PGGHG: variants seen among roughly 807,000 people sequenced by gnomAD.
PGGHG encodes protein-glucosylgalactosylhydroxylysine glucosidase.
PGGHG carries 67 observed loss-of-function variants against 74.5 expected under a neutral mutation model. The ratio of observed to expected loss-of-function variants is 0.90; its 90% CI spans 0.74 to 1.10. The LOEUF is 1.10. Among genes scored for constraint, PGGHG ranks in the 50% least tolerant of loss-of-function variants. The probability of loss-of-function intolerance (pLI) is 0.00; values close to 1 mark genes in which losing one functional copy is unlikely to be tolerated. For missense variants in PGGHG, 1,034 were observed against 981.5 expected, an observed-to-expected ratio of 1.05 and a Z score of -0.72; for synonymous variants, 496 against 419.9, an observed-to-expected ratio of 1.18 and a Z score of -2.21.
In PGGHG at chr11:294,185, C is replaced by T. The variant is rs1479133578; in HGVS notation, c.1797C>T (p.Cys599=). 1 of 1,610,704 alleles carries T rather than the reference C, an allele frequency of 6.2e-7. No individual in the cohort carries two copies. Among genetic ancestry groups the T allele is most frequent in the East Asian group, 2.2e-5 (1 of 44,884 alleles). The change falls in exon 12 of 14, where the codon TGC becomes TGT. Residue 599 remains cysteine (C), a synonymous_variant. Coordinates refer to ENST00000409548, the MANE Select transcript of PGGHG (RefSeq NM_025092.5). The part of the protein sequence containing the change: ...GGFLQAVVFG[C]TGFRVTRAGV... ...TCCTGCAGGCGGTGGTCTTCGGGTGCACGGGGTTCAGGTAAGTGCAGAGGC... is the reference window on the plus strand; with the variant it reads ...TCCTGCAGGCGGTGGTCTTCGGGTGTACGGGGTTCAGGTAAGTGCAGAGGC...
intron 4 of PGGHG, chr11:291,596 A>C (rs1312151733): frequency 3.8e-6 from 1 of 263,488 alleles, no homozygotes; most frequent in Non-Finnish European, 7.3e-6. Flanking sequence ...GTCGAGAGTG[A>C]CTGTGCTGGG....
Position 294,734 on chromosome 11 carries a change from C to T in PGGHG, c.2199C>T (p.Asp733=). ...SSSPTESLTV[D]PASE ...GCCCCACCGAGTCACTCACTGTGGA[C>T]CCTGCCTCTGAATAATCAGGAACGG... The change falls in exon 14 of 14, where the codon GAC becomes GAT. Residue 733 remains aspartate, a synonymous_variant. Coordinates refer to ENST00000409548, the MANE Select transcript of PGGHG (RefSeq NM_025092.5). 6.2e-7 allele frequency: 1 copy of T among 1,601,162 alleles called. No homozygotes were observed. Among genetic ancestry groups the T allele is most frequent in the East Asian group, 2.2e-5 (1 of 44,624 alleles).
rs945850732 is a variant in PGGHG, at chr11:289,899, A to G, written c.83A>G (p.Asn28Ser). ...CCCCGTCTCTTGGCCACTGTGACCA[A>G]CGCATACCTGGGCACACGAGTGTTT... ...SDPRLLATVTNAYLGTRVFHD... is the reference protein window; with the variant it reads ...SDPRLLATVTSAYLGTRVFHD... The change falls in exon 2 of 14, where the codon AAC (asparagine) becomes AGC (serine). Residue 28 changes from asparagine (N) to serine (S), a missense_variant. Coordinates refer to ENST00000409548, the MANE Select transcript of PGGHG (RefSeq NM_025092.5). This position sits in a 1 kb window ranked among gnomAD's most constrained non-coding sequence, Gnocchi z 5.6. The G allele has an allele frequency of 9.7e-6, 15 of 1,550,884 alleles. No individual in the cohort carries two copies. Among genetic ancestry groups the G allele is most frequent in the African/African-American group, 8.2e-5 (6 of 73,012 alleles).
chr11:294,787 C>T lies in PGGHG; in HGVS notation c.*38C>T, dbSNP rs1845831269. On this transcript the variant is annotated 3_prime_UTR_variant, in exon 14 of 14. Transcript: ENST00000409548. ...GCTTCAGAGACGTCTCTTGGGCCTT[C>T]CCTCTGGCCACGTCTGCACCCACCC... 3 of 1,551,714 alleles carry T rather than the reference C, an allele frequency of 1.9e-6. No homozygotes were observed. The highest frequency in any genetic ancestry group is 1.4e-5 in the African/African-American group (1 of 72,880).
rs749597039 is a variant in PGGHG at position 291,099 on chromosome 11, G to T, written c.892G>T (p.Val298Phe). ...GSREECYWGH[V>F]FWDQDLWMFP... ...CCGTGAGGAATGCTACTGGGGCCAC[G>T]TCTTCTGGGACCAGGTGAGCACTGT... Residue 298 changes from valine (V) to phenylalanine (F), a missense_variant, in exon 4 of 14, where the codon GTC becomes TTC. Transcript: ENST00000409548. The T allele has an allele frequency of 6.3e-7, 1 of 1,585,182 alleles. No homozygotes were observed. Among genetic ancestry groups the T allele is most frequent in the East Asian group, 2.3e-5 (1 of 44,434 alleles).
At position 293,420 on chromosome 11, in the gene PGGHG, G is replaced by A. The variant is rs770993552; in HGVS notation, c.1398G>A (p.Gln466=). ...ACCTGGGTCTTCCCATCCCCAGCCA[G>A]TGGCTGGCGGTGGCTGACAAGATCA... ...AQDLGLPIPS[Q]WLAVADKIKV... The change falls in exon 9 of 14, where the codon CAG becomes CAA. Residue 466 remains glutamine, a synonymous_variant. Coordinates refer to ENST00000409548, the MANE Select transcript of PGGHG (RefSeq NM_025092.5). 3 of 1,612,326 alleles carry A rather than the reference G, an allele frequency of 1.9e-6. No individual in the cohort carries two copies. Among genetic ancestry groups the A allele is most frequent in the Admixed American group, 1.7e-5 (1 of 59,992 alleles).
chr11:290,216 G>C (rs887982344), intron 2 of PGGHG, 141 bp downstream of exon 2: 1 of 1,384,582 alleles, frequency 7.2e-7, no homozygotes, highest in African/African-American at 1.5e-5. Context: ...AGGCCCGCAG[G>C]GTCCCCCCTT....
Position 294,268 on chromosome 11 carries a change from G to A in PGGHG, c.1810G>A (p.Val604Ile), listed in dbSNP as rs1353679572. The change falls in exon 13 of 14, where the codon GTC (valine) becomes ATC (isoleucine). Residue 604 changes from valine to isoleucine, a missense_variant and splice_region_variant. Coordinates refer to ENST00000409548, the MANE Select transcript of PGGHG (RefSeq NM_025092.5). ...CCTCACAAGCCTCTCCTCCCACAGG[G>A]TCACCCGAGCGGGTGTGACCTTTGA... Reference protein sequence around the residue: ...AVVFGCTGFRVTRAGVTFDPV... With the variant: ...AVVFGCTGFRITRAGVTFDPV... The A allele has an allele frequency of 1.9e-6, 3 of 1,602,180 alleles. No individual in the cohort carries two copies. Among genetic ancestry groups the A allele is most frequent in the Admixed American group, 3.4e-5 (2 of 59,356 alleles).
Position 296,058 on chromosome 11 carries a change from A to G in PGGHG, c.*1309A>G, listed in dbSNP as rs1845853670. On this transcript the variant is annotated 3_prime_UTR_variant, in exon 14 of 14. Transcript: ENST00000409548. Reference sequence around the variant, plus strand: ...ATGTGCTGCAGCACACCTGCGGCCGAGACCAGCACTCAGAGGTCGGCTCCC... The same window carrying G: ...ATGTGCTGCAGCACACCTGCGGCCGGGACCAGCACTCAGAGGTCGGCTCCC... The G allele has an allele frequency of 6.6e-6, 1 of 152,376 alleles. No homozygotes were observed. Among genetic ancestry groups the G allele is most frequent in the African/African-American group, 2.4e-5 (1 of 41,472 alleles). The allele number at this position is 152,376 out of a possible 1,614,324, so 9.4% of individuals were successfully genotyped here.
Position 292,616 on chromosome 11 carries a change from A to G in PGGHG, c.1097A>G (p.Gln366Arg), listed in dbSNP as rs771963570. The change falls in exon 6 of 14, where the codon CAG becomes CGG. Residue 366 changes from glutamine to arginine, a missense_variant. Transcript: ENST00000409548. Reference sequence around the variant, plus strand: ...TGCCCTGAGGACATTTACGGAGTCCAGGAGGTCCACGTCAACGGGGCCGTG... The same window carrying G: ...TGCCCTGAGGACATTTACGGAGTCCGGGAGGTCCACGTCAACGGGGCCGTG... Reference protein sequence around the residue: ...EVCPEDIYGVQEVHVNGAVVL... With the variant: ...EVCPEDIYGVREVHVNGAVVL... 1 of 1,613,756 alleles carries G rather than the reference A, an allele frequency of 6.2e-7. No homozygotes were observed. Among genetic ancestry groups the G allele is most frequent in the South Asian group, 1.1e-5 (1 of 91,092 alleles).
At chr11:292,174 C>T (rs1049482383) in intron 5 of PGGHG, 79 bp downstream of exon 5, 3 of 1,444,024 alleles carry the variant, frequency 2.1e-6, no homozygotes, top group Admixed American at 5.7e-5. Context: ...CTGTATCCCT[C>T]TCCCCAGGCC....
Position 296,023 on chromosome 11 carries a change from T to G in PGGHG, c.*1274T>G, listed in dbSNP as rs917661309. 1 of 152,240 alleles carries G rather than the reference T, an allele frequency of 6.6e-6. No individual in the cohort carries two copies. The highest frequency in any genetic ancestry group is 2.4e-5 in the African/African-American group (1 of 41,432). 9.4% of individuals were successfully genotyped at this position (152,240 alleles called of 1,614,324 possible). A position where few individuals can be genotyped will look rare whatever the true frequency, so the allele number is the denominator to read the frequency against. The stretch of plus-strand genomic sequence containing the variant: ...CTCAGCGGCTGCCAGAAGCAGCGTG[T>G]GGGGGAGGCATGTGCTGCAGCACAC... On this transcript the variant is annotated 3_prime_UTR_variant, in exon 14 of 14. Coordinates refer to ENST00000409548, the MANE Select transcript of PGGHG (RefSeq NM_025092.5).
intron 4 of PGGHG, 144 bp downstream of exon 4, chr11:291,257 T>A: frequency 9.6e-7 from 1 of 1,046,324 alleles, no homozygotes; most frequent in Non-Finnish European, 1.3e-6. Flanking sequence ...TGTGCAGGAG[T>A]TTGGTAGAGG....
At position 289,189 on chromosome 11, in the gene PGGHG, C is replaced by T. The variant is rs1013026013; in HGVS notation, c.-64C>T. 6.6e-6 allele frequency: 1 copy of T among 151,434 alleles called. No homozygotes were observed. Among genetic ancestry groups the T allele is most frequent in the African/African-American group, 2.4e-5 (1 of 41,342 alleles). 9.4% of individuals were successfully genotyped at this position (151,434 alleles called of 1,614,324 possible). ...CCTTCCTCCCGGCCCTGGCGTGGAG[C>T]AGAGGGACACAGGTTCCCACGCTGG... is the stretch of plus-strand genomic sequence containing the variant. On this transcript the variant is annotated 5_prime_UTR_variant, in exon 1 of 14. Transcript: ENST00000409548. This position sits in a 1 kb window ranked among gnomAD's most constrained non-coding sequence, Gnocchi z 5.6.
rs558144285 is a variant in PGGHG at position 291,613 on chromosome 11, C to T, written c.907-363C>T. ...CGAGAGTGACTGTGCTGGGGCTGCT[C>T]CATCGTTGTCTGAGCCTCCCGGTGC... On this transcript the variant is annotated intron_variant, in intron 4 of 13. Transcript: ENST00000409548. The T allele has an allele frequency of 5.3e-5, 15 of 283,840 alleles. No individual in the cohort carries two copies. In the South Asian group the frequency reaches 6.3e-4, roughly 12 times the overall value. The allele number at this position is 283,840 out of a possible 1,614,324, so 17.6% of individuals were successfully genotyped here. A position where few individuals can be genotyped will look rare whatever the true frequency, so the allele number is the denominator to read the frequency against.
At chr11:292,451 C>T (rs1259479373) in intron 5 of PGGHG, 95 bp from the exon 6 acceptor site, 21 of 1,499,450 alleles carry the variant, frequency 1.4e-5, no homozygotes, top group East Asian at 1.4e-4. Context: ...TGGCGCAGGC[C>T]GAGCCCCCCC....
intron 4 of PGGHG, chr11:291,432 C>T: frequency 2.9e-6 from 1 of 344,408 alleles, no homozygotes; most frequent in Non-Finnish European, 5.3e-6. Flanking sequence ...TACCTGAGGG[C>T]CAGTGGAGCT....
chr11:292,406 G>T, intron 5 of PGGHG, 140 bp from the exon 6 acceptor site: 1 of 1,146,036 alleles, frequency 8.7e-7, no homozygotes. Flanking sequence ...AGGACGTGCA[G>T]TGGGCCTTCT....
chr11:290,041 G>T lies in PGGHG; in HGVS notation c.225G>T (p.Gln75His). The stretch of plus-strand genomic sequence containing the variant: ...AGGCCCCTGCAGGGATGGGGGAGCA[G>T]CTGACCGAGACCTTCGCCCTGGACA... The part of the protein sequence containing the change: ...RLEAPAGMGE[Q>H]LTETFALDTN... Residue 75 changes from glutamine to histidine, a missense_variant, in exon 2 of 14, where the codon CAG (glutamine) becomes CAT (histidine). By Grantham distance (24) the Gln-to-His change is conservative. Transcript: ENST00000409548. 1 of 1,542,446 alleles carries T rather than the reference G, an allele frequency of 6.5e-7. No individual in the cohort carries two copies.
Sources: allele counts gnomAD v4.1 joint callset, GRCh38; gene constraint gnomAD v4.1.1; non-coding constraint Gnocchi (gnomAD v3.1); transcripts MANE v1.5; gene names NCBI Gene and HGNC (gene_info 2026-07-23, HGNC 2026-07-21).